PKNOX2: variants seen among roughly 807,000 people sequenced by gnomAD.
The protein encoded by PKNOX2 is PBX/knotted 1 homeobox 2, also known as homeobox protein PKNOX2.
PKNOX2 carries 14 observed loss-of-function variants against 53.1 expected under a neutral mutation model. The ratio of observed to expected loss-of-function variants is 0.26; its 90% CI spans 0.17 to 0.41. The LOEUF is 0.41. PKNOX2 is among the 10% of genes least tolerant of loss of function. The probability of loss-of-function intolerance (pLI) is 1.00; values close to 1 mark genes in which losing one functional copy is unlikely to be tolerated. For missense variants in PKNOX2, 496 were observed against 602.8 expected, an observed-to-expected ratio of 0.82 and a Z score of 1.85; for synonymous variants, 257 against 242.8, an observed-to-expected ratio of 1.06 and a Z score of -0.54.
chr11:125,375,681 CTG>C (rs1051720855), intron 5 of PKNOX2, among the ~76,000 whole-genome samples: 1 of 152,146 alleles, frequency 6.6e-6, no homozygotes, highest in African/African-American at 2.4e-5. Context: ...TAGTCCTTGA[CTG>C]TGACCAAGAC....
intron 7 of PKNOX2, among the ~76,000 whole-genome samples, chr11:125,399,793 C>T (rs1341221303): frequency 6.6e-6 from 1 of 152,070 alleles, no homozygotes; most frequent in Admixed American, 6.5e-5. Flanking sequence ...TGGGGGTGCA[C>T]CAGGGTAGTG....
Position 125,191,062 on chromosome 11 carries a change from G to A in PKNOX2, c.-201+26286G>A, listed in dbSNP as rs181676329. On this transcript the variant is annotated intron_variant, in intron 1 of 12. Coordinates refer to ENST00000298282, the MANE Select transcript of PKNOX2 (RefSeq NM_001382323.2). ...CCTTATGGCACCAAGTGCCTAGTAGGTATAACATAAATACTTTCCAGAAAT... is the reference window on the plus strand; with the variant it reads ...CCTTATGGCACCAAGTGCCTAGTAGATATAACATAAATACTTTCCAGAAAT... 14 of 152,276 alleles carry A rather than the reference G, an allele frequency of 9.2e-5. No homozygotes were observed. The East Asian group carries it at 2.5e-3, about 27-fold the overall frequency. The allele number at this position is 152,276 out of a possible 1,614,324, so 9.4% of individuals were successfully genotyped here.
intron 2 of PKNOX2, among the ~76,000 whole-genome samples, chr11:125,299,713 G>A (rs979861022): frequency 6.6e-6 from 1 of 152,160 alleles, no homozygotes; most frequent in Non-Finnish European, 1.5e-5. Flanking sequence ...GCCTGAAGTC[G>A]TTTTCCTGGG....
chr11:125,388,458 T>C (rs998512169), intron 6 of PKNOX2, among the ~76,000 whole-genome samples: 8 of 152,028 alleles, frequency 5.3e-5, no homozygotes, highest in African/African-American at 1.7e-4. Flanking sequence ...GCTGAGATAA[T>C]TGAGAGATTT....
At chr11:125,354,644 C>T (rs533585993) in intron 4 of PKNOX2, among the ~76,000 whole-genome samples, 2 of 152,256 alleles carry the variant, frequency 1.3e-5, no homozygotes, top group African/African-American at 4.8e-5. Flanking sequence ...TAGGAATCTG[C>T]ATTAAAAAAT....
At position 125,351,370 on chromosome 11, in the gene PKNOX2, C is replaced by T. The variant is rs764466990; in HGVS notation, c.65C>T (p.Pro22Leu). Reference sequence around the variant, plus strand: ...ATGGCCACGCAGAATGTCCCGCCCCCACCCTACCAGGACAGCCCACAGGTG... The same window carrying T: ...ATGGCCACGCAGAATGTCCCGCCCCTACCCTACCAGGACAGCCCACAGGTG... ...TMMATQNVPP[P>L]PYQDSPQMTA... The change falls in exon 4 of 13, where the codon CCA becomes CTA. Residue 22 changes from proline to leucine, a missense_variant. This residue lies in a region of PKNOX2 where 168 missense variants were observed against 178.4 expected (regional missense o/e 0.94). Coordinates refer to ENST00000298282, the MANE Select transcript of PKNOX2 (RefSeq NM_001382323.2). 6.2e-7 allele frequency: 1 copy of T among 1,604,418 alleles called. No individual in the cohort carries two copies.
intron 6 of PKNOX2, among the ~76,000 whole-genome samples, chr11:125,391,017 G>C (rs1463637139): frequency 6.6e-6 from 1 of 152,182 alleles, no homozygotes; most frequent in African/African-American, 2.4e-5. Flanking sequence ...GCATTGGCAG[G>C]CACAGTGACC....
intron 2 of PKNOX2, among the ~76,000 whole-genome samples, chr11:125,304,370 G>A (rs1437667212): frequency 5.3e-5 from 8 of 152,220 alleles, no homozygotes; most frequent in Admixed American, 5.2e-4. Context: ...TGTTCATTCA[G>A]AACAATTAGC....
chr11:125,172,118 C>T (rs991464454), intron 1 of PKNOX2, among the ~76,000 whole-genome samples: 3 of 152,170 alleles, frequency 2.0e-5, no homozygotes, highest in African/African-American at 7.2e-5. Context: ...GGTCATGGTG[C>T]TCTGCGCTGT....
At chr11:125,254,601 A>G (rs1272126960) in intron 2 of PKNOX2, among the ~76,000 whole-genome samples, 4 of 152,192 alleles carry the variant, frequency 2.6e-5, no homozygotes, top group African/African-American at 9.7e-5. Flanking sequence ...CTTGTTTTGA[A>G]TACCTGTACC....
At chr11:125,376,934 A>C (rs1952878832) in intron 5 of PKNOX2, among the ~76,000 whole-genome samples, 1 of 151,836 alleles carries the variant, frequency 6.6e-6, no homozygotes, top group Non-Finnish European at 1.5e-5. Context: ...ACGAGGTTCG[A>C]AGTTCTGATA....
chr11:125,246,876 C>T (rs1378685254), intron 2 of PKNOX2, among the ~76,000 whole-genome samples: 1 of 152,176 alleles, frequency 6.6e-6, no homozygotes, highest in Non-Finnish European at 1.5e-5. Flanking sequence ...AGCTCACCCT[C>T]CTCACTTTCC....
chr11:125,320,488 T>G (rs1949458694), intron 2 of PKNOX2, among the ~76,000 whole-genome samples: 1 of 151,954 alleles, frequency 6.6e-6, no homozygotes, highest in African/African-American at 2.4e-5. Context: ...TGCAGAAAGG[T>G]GAGGTGACTC....
intron 2 of PKNOX2, among the ~76,000 whole-genome samples, chr11:125,297,855 G>A (rs1947761976): frequency 1.3e-5 from 2 of 152,078 alleles, no homozygotes; most frequent in Admixed American, 1.3e-4. Flanking sequence ...GCCCATCTTT[G>A]AGCCCCATAT....
rs76813877 is a variant in PKNOX2 at position 125,233,159 on chromosome 11, T to A, written c.-200-1886T>A. ...TAACTTTTAGCCTGTTCTTTCAGCT[T>A]GCTAAAAGTTTTATAACAATCTTGA... is the stretch of plus-strand genomic sequence containing the variant. On this transcript the variant is annotated intron_variant, in intron 1 of 12. Transcript: ENST00000298282. 3.1e-3 allele frequency among the ~76,000 whole-genome samples: 476 copies of A among 152,356 alleles called. 1 individual carries two copies. Among genetic ancestry groups the A allele is most frequent in the Non-Finnish European group, 5.3e-3 (359 of 68,034 alleles).
chr11:125,218,884 C>T (rs1426657992), intron 1 of PKNOX2, among the ~76,000 whole-genome samples: 2 of 152,156 alleles, frequency 1.3e-5, no homozygotes, highest in Non-Finnish European at 2.9e-5. Flanking sequence ...TCAGGGGCTC[C>T]ATGACATCCA....
chr11:125,234,028 C>A (rs1209577831), intron 1 of PKNOX2, among the ~76,000 whole-genome samples: 2 of 152,190 alleles, frequency 1.3e-5, no homozygotes, highest in Admixed American at 1.3e-4. Context: ...CATCCCAGGA[C>A]CCTCCATGCC....
chr11:125,245,578 C>T (rs1477736694), intron 2 of PKNOX2, among the ~76,000 whole-genome samples: 2 of 152,306 alleles, frequency 1.3e-5, no homozygotes, highest in East Asian at 1.9e-4. Context: ...ATGCCCTGGC[C>T]GGGTTGTACA....
chr11:125,403,392 G>A (rs902194472), intron 7 of PKNOX2, among the ~76,000 whole-genome samples: 1 of 152,178 alleles, frequency 6.6e-6, no homozygotes, highest in Non-Finnish European at 1.5e-5. Context: ...GCCACATCTT[G>A]TATTGGTCCA....
Sources: gnomAD v4.1 joint callset for allele counts (sites outside exome capture counted in the v4.1 genomes callset) on GRCh38, gnomAD v4.1.1 for gene constraint, gnomAD v4.1.1 regional missense constraint, MANE v1.5 for transcripts, NCBI Gene and HGNC (gene_info 2026-07-23, HGNC 2026-07-21) for gene names.